TAB2: variants seen among roughly 807,000 people sequenced by gnomAD.
TAB2 encodes TGF-beta-activated kinase 1 and MAP3K7-binding protein 2.
Under a neutral mutation model 65.0 loss-of-function variants are expected in TAB2, and 3 were observed. The ratio of observed to expected loss-of-function variants is 0.05; its 90% CI spans 0.02 to 0.12. The LOEUF (loss-of-function observed/expected upper bound fraction) is 0.12, where lower values mean the gene tolerates loss of function less well. Ranked by LOEUF, TAB2 falls within the 10% of genes least tolerant of loss-of-function variation. The pLI, the probability that TAB2 is intolerant of heterozygous loss-of-function variation, is 1.00. For synonymous variants in TAB2, 298 were observed against 285.1 expected, an observed-to-expected ratio of 1.05 and a Z score of -0.46; for missense variants, 623 against 840.3, an observed-to-expected ratio of 0.74 and a Z score of 3.20.
Position 149,379,255 on chromosome 6 carries a change from C to T in TAB2, c.1340C>T (p.Ser447Phe). 1 of 1,614,200 alleles carries T rather than the reference C, an allele frequency of 6.2e-7. No homozygotes were observed. Among genetic ancestry groups the T allele is most frequent in the Non-Finnish European group, 8.5e-7 (1 of 1,180,036 alleles). Residue 447 changes from serine to phenylalanine, a missense_variant, in exon 3 of 7, where the codon TCT becomes TTT. Transcript: ENST00000637181. ...PPKSRAIGNN[S>F]ATSPRVVVTQ... ...AAAAGTCGAGCAATAGGCAATAACT[C>T]TGCAACCTCTCCTCGAGTGGTAGTC...
At chr6:149,250,366 C>G (rs538464267) in intron 1 of TAB2, among the ~76,000 whole-genome samples, 1 of 151,902 alleles carries the variant, frequency 6.6e-6, no homozygotes, top group Admixed American at 6.6e-5. Context: ...AATGCAATGG[C>G]GCAATCTCGG....
chr6:149,325,603 A>G (rs1038068390), intron 1 of TAB2, among the ~76,000 whole-genome samples: 5 of 152,172 alleles, frequency 3.3e-5, no homozygotes, highest in Admixed American at 6.5e-5. Flanking sequence ...CCACAAATCT[A>G]TAATATAGTT....
intron 1 of TAB2, among the ~76,000 whole-genome samples, chr6:149,260,351 G>T (rs1005228218): frequency 6.6e-6 from 1 of 152,214 alleles, no homozygotes; most frequent in African/African-American, 2.4e-5. Flanking sequence ...GTGCTCCAGC[G>T]CAGCCTTCTC....
chr6:149,239,024 C>A (rs77204097), intron 1 of TAB2, among the ~76,000 whole-genome samples: 6,452 of 152,250 alleles, frequency 0.042, 457 homozygotes, highest in African/African-American at 0.15. Context: ...GTGGAAATAT[C>A]TCTGGGACCT....
intron 1 of TAB2, among the ~76,000 whole-genome samples, chr6:149,330,038 T>C (rs905781785): frequency 1.3e-5 from 2 of 152,180 alleles, no homozygotes; most frequent in African/African-American, 4.8e-5. Flanking sequence ...ATCACTATAA[T>C]TGTCACTTCA....
chr6:149,295,773 T>C (rs1187371305), intron 1 of TAB2, among the ~76,000 whole-genome samples: 1 of 152,180 alleles, frequency 6.6e-6, no homozygotes, highest in African/African-American at 2.4e-5. Context: ...TGGTTATCTT[T>C]TTTTCTTCTT....
chr6:149,283,783 C>T, intron 1 of TAB2, among the ~76,000 whole-genome samples: 1 of 152,030 alleles, frequency 6.6e-6, no homozygotes, highest in Non-Finnish European at 1.5e-5. Context: ...CTTTTGGGAA[C>T]AATATAGAGT....
chr6:149,399,241 A>C (rs954689770), intron 6 of TAB2, 57 bp downstream of exon 6: 39 of 1,456,438 alleles, frequency 2.7e-5, no homozygotes, highest in Non-Finnish European at 3.6e-5. Flanking sequence ...AATTTTAGAA[A>C]ATTTTTCCTG....
chr6:149,403,535 TGTA>T (rs1344777501), intron 6 of TAB2, among the ~76,000 whole-genome samples: 5 of 151,670 alleles, frequency 3.3e-5, no homozygotes, highest in Non-Finnish European at 7.4e-5. Flanking sequence ...GAAGTTCTAA[TGTA>T]GTATCCATTT....
At position 149,268,452 on chromosome 6, in the gene TAB2, C is replaced by A. The variant is rs79727617; in HGVS notation, c.-121+49676C>A. Reference sequence around the variant, plus strand: ...TGAGAATGAATGTTCTAATTCTCATCATTTTCATGAACCACATTTATAGAG... The same window carrying A: ...TGAGAATGAATGTTCTAATTCTCATAATTTTCATGAACCACATTTATAGAG... On this transcript the variant is annotated intron_variant, in intron 1 of 1. Transcript: ENST00000606202. 3.5e-4 allele frequency among the ~76,000 whole-genome samples: 54 copies of A among 152,284 alleles called. 1 individual carries two copies. The East Asian group carries it at 7.5e-3, about 21-fold the overall frequency.
At chr6:149,398,106 T>C (rs1162788291) in intron 5 of TAB2, 44 bp downstream of exon 5, 1 of 1,531,232 alleles carries the variant, frequency 6.5e-7, no homozygotes, top group Non-Finnish European at 9.0e-7. Context: ...CGTATTTAAT[T>C]CACCAGCAGT....
At chr6:149,292,315 G>GA (rs1017980448) in intron 1 of TAB2, among the ~76,000 whole-genome samples, 2 of 152,094 alleles carry the variant, frequency 1.3e-5, no homozygotes. Flanking sequence ...TGGAGCATCA[G>GA]AAAAAAACTC....
At chr6:149,399,682 ATGTC>A (rs1351391303) in intron 6 of TAB2, among the ~76,000 whole-genome samples, 35 of 152,308 alleles carry the variant, frequency 2.3e-4, no homozygotes, top group African/African-American at 8.2e-4. Flanking sequence ...ATTTCAAAGT[ATGTC>A]TGTGTGTTTT....
At chr6:149,332,290 A>G (rs1372365471) in intron 1 of TAB2, among the ~76,000 whole-genome samples, 1 of 152,184 alleles carries the variant, frequency 6.6e-6, no homozygotes, top group East Asian at 1.9e-4. Flanking sequence ...ATTTGGGAGT[A>G]TCAGTGGAGT....
chr6:149,348,264 C>T (rs1459198520), intron 1 of TAB2, among the ~76,000 whole-genome samples: 1 of 151,954 alleles, frequency 6.6e-6, no homozygotes, highest in African/African-American at 2.4e-5. Context: ...GGTTGCGCAC[C>T]GGTAGTCCCT....
rs80156706 is a variant in TAB2 at position 149,228,581 on chromosome 6, G to A, written c.-121+9805G>A. ...AAACCAGCTGGAGACAGGGTTCTAC[G>A]TGATAAGCCTGTTATATTTGCAGAA... On this transcript the variant is annotated intron_variant, in intron 1 of 1. Coordinates refer to the TAB2 transcript ENST00000606202. Among the ~76,000 whole-genome samples the A allele has an allele frequency of 1.9e-3, 291 of 152,306 alleles. 11 individuals carry two copies. The South Asian group carries it at 0.027, about 14-fold the overall frequency.
At chr6:149,284,104 G>A (rs984611576) in intron 1 of TAB2, among the ~76,000 whole-genome samples, 6 of 152,076 alleles carry the variant, frequency 3.9e-5, no homozygotes, top group African/African-American at 1.4e-4. Context: ...AGACTCCTAT[G>A]GCCCAAAGCA....
At chr6:149,358,673 T>TGTGTGTGTGTGTGTGTGTGTGTGTGTG (rs71010863) in intron 1 of TAB2, among the ~76,000 whole-genome samples, 27 of 150,972 alleles carry the variant, frequency 1.8e-4, no homozygotes, top group South Asian at 6.3e-4. Flanking sequence ...TGTGTGTGTG[T>TGTGTGTGTGTGTGTGTGTGTGTGTGTG]TTTCAGTATA....
At chr6:149,229,222 A>C (rs1327261887) in intron 1 of TAB2, among the ~76,000 whole-genome samples, 2 of 152,192 alleles carry the variant, frequency 1.3e-5, no homozygotes. Context: ...AGAAAACACC[A>C]GAGATGCCAA....
Sources: allele counts gnomAD v4.1 joint callset (sites outside exome capture counted in the v4.1 genomes callset), GRCh38; gene constraint gnomAD v4.1.1; transcripts MANE v1.5; gene names NCBI Gene and HGNC (gene_info 2026-07-23, HGNC 2026-07-21).